The following LIM2 variants were observed in gnomAD, a reference collection of about 807,000 sequenced individuals.
LIM2 encodes the protein lens intrinsic membrane protein 2.
LIM2 carries 14 observed loss-of-function variants against 19.0 expected under a neutral mutation model. The observed-to-expected ratio is 0.74, with a 90% CI of 0.49 to 1.15. The LOEUF is 1.15. Ranked by LOEUF, LIM2 falls within the 50% of genes most tolerant of loss-of-function variation. The pLI, the probability that LIM2 is intolerant of heterozygous loss-of-function variation, is 0.00. For missense variants in LIM2, 230 were observed against 243.5 expected, an observed-to-expected ratio of 0.94 and a Z score of 0.37; for synonymous variants, 78 against 89.6, an observed-to-expected ratio of 0.87 and a Z score of 0.73.
intron 2 of LIM2, among the ~76,000 whole-genome samples, chr19:51,382,838 C>T: frequency 6.6e-6 from 1 of 151,964 alleles, no homozygotes; most frequent in African/African-American, 2.4e-5. Context: ...TGTCTGTCTC[C>T]CCCTCCAGCC....
chr19:51,386,653 T>G (rs1753644140), intron 2 of LIM2, among the ~76,000 whole-genome samples: 1 of 148,858 alleles, frequency 6.7e-6, no homozygotes, highest in Non-Finnish European at 1.5e-5. Flanking sequence ...CAATATATTA[T>G]GTATTAGTAA....
chr19:51,383,765 A>T lies in LIM2; in HGVS notation c.176-1198T>A, dbSNP rs1026428844. Among the ~76,000 whole-genome samples the T allele has an allele frequency of 2.0e-5, 3 of 152,314 alleles. 1 individual carries two copies. The highest frequency in any genetic ancestry group is 2.0e-4 in the Admixed American group (3 of 15,292). On this transcript the variant is annotated intron_variant, in intron 2 of 4. Transcript: ENST00000596399. ...CAGAGAGGTAAAGTGACTTGCCCGAAGTCTCATAATTAGAAACAGGGCTGG... is the reference window on the plus strand; with the variant it reads ...CAGAGAGGTAAAGTGACTTGCCCGATGTCTCATAATTAGAAACAGGGCTGG...
At chr19:51,387,523 G>T in intron 1 of LIM2, 74 bp from the exon 2 acceptor site, 1 of 1,598,154 alleles carries the variant, frequency 6.3e-7, no homozygotes. Flanking sequence ...GGGGAGAGAG[G>T]GCTCAGGAGT....
At chr19:51,381,873 C>T (rs1986901164) in intron 3 of LIM2, among the ~76,000 whole-genome samples, 1 of 152,100 alleles carries the variant, frequency 6.6e-6, no homozygotes, top group Non-Finnish European at 1.5e-5. Flanking sequence ...CCACAGGCGC[C>T]CGACACCACG....
At position 51,379,979 on chromosome 19, in the gene LIM2, C is replaced by A; in HGVS notation, c.*222G>T. The A allele has an allele frequency of 1.7e-6, 1 of 601,640 alleles. No homozygotes were observed. Among genetic ancestry groups the A allele is most frequent in the Middle Eastern group, 4.0e-4 (1 of 2,518 alleles). The allele number at this position is 601,640 out of a possible 1,614,324, so 37.3% of individuals were successfully genotyped here. ...GATAGTCCATTTTTCTAACAACCTG[C>A]CAGGCAGACGGGGACTTGAGTCTTC... is the stretch of plus-strand genomic sequence containing the variant. On this transcript the variant is annotated 3_prime_UTR_variant, in exon 5 of 5. Coordinates refer to ENST00000596399, the MANE Select transcript of LIM2 (RefSeq NM_001161748.2).
chr19:51,384,396 C>A (rs553315750), intron 2 of LIM2, among the ~76,000 whole-genome samples: 10 of 152,194 alleles, frequency 6.6e-5, no homozygotes, highest in South Asian at 4.1e-4. Flanking sequence ...ATTCCACTGC[C>A]CTCCAGCCTG....
intron 2 of LIM2, among the ~76,000 whole-genome samples, chr19:51,383,027 C>CTT (rs1163859181): frequency 0.01 from 899 of 88,268 alleles, 1 homozygote; most frequent in Middle Eastern, 0.024. Flanking sequence ...TTTTTCTTTT[C>CTT]TTTTTTTTTT....
chr19:51,386,406 G>A (rs1368946169), intron 2 of LIM2, among the ~76,000 whole-genome samples: 4 of 149,958 alleles, frequency 2.7e-5, no homozygotes, highest in Admixed American at 2.0e-4. Context: ...TTACAGACGT[G>A]AGCCACCACG....
At chr19:51,387,528 A>C in intron 1 of LIM2, 79 bp from the exon 2 acceptor site, 1 of 1,591,478 alleles carries the variant, frequency 6.3e-7, no homozygotes, top group Non-Finnish European at 8.5e-7. Flanking sequence ...GAGAGGGCTC[A>C]GGAGTGGGAT....
intron 2 of LIM2, among the ~76,000 whole-genome samples, chr19:51,385,790 C>T (rs2123672847): frequency 6.6e-6 from 1 of 152,336 alleles, no homozygotes; most frequent in African/African-American, 2.4e-5. Context: ...CTCAGTCTAC[C>T]TCTCCAGCAA....
intron 2 of LIM2, 21 bp downstream of exon 2, chr19:51,387,248 G>A (rs1987088824): frequency 6.2e-7 from 1 of 1,614,202 alleles, no homozygotes; most frequent in Non-Finnish European, 8.5e-7. Context: ...GCGCGGCCTG[G>A]ACCCTGGCCG....
chr19:51,381,701 T>C (rs1400080414), intron 3 of LIM2, among the ~76,000 whole-genome samples: 3 of 152,164 alleles, frequency 2.0e-5, no homozygotes, highest in Non-Finnish European at 4.4e-5. Flanking sequence ...TATGAGTTAT[T>C]CCAGCAATTT....
chr19:51,382,448 A>G lies in LIM2; in HGVS notation c.295T>C (p.Phe99Leu), dbSNP rs1986919293. ...QPTFSRISRP[F>L]SAGIMFFSST... ...GAAAAAAACATGATGCCAGCAGAGA[A>G]GGGCCGGGAGATGCGGGAGAAGGTA... Residue 99 changes from phenylalanine (F) to leucine (L), a missense_variant, in exon 3 of 5, where the codon TTC becomes CTC. Coordinates refer to ENST00000596399, the MANE Select transcript of LIM2 (RefSeq NM_001161748.2). The G allele has an allele frequency of 6.2e-7, 1 of 1,613,870 alleles. No homozygotes were observed. The highest frequency in any genetic ancestry group is 1.3e-5 in the African/African-American group (1 of 74,850).
rs890284717 is a variant in LIM2, at chr19:51,387,447, G to C, written c.-4C>G. ...CACCACCCATGAAGCTGTACATGGT[G>C]ATCTGTGGGGAAGGGGAGAGATGGG... is the stretch of plus-strand genomic sequence containing the variant. On this transcript the variant is annotated splice_region_variant and 5_prime_UTR_variant, in exon 2 of 5. It adds an upstream start codon to the 5' untranslated region. Transcript: ENST00000596399. The C allele has an allele frequency of 1.2e-6, 2 of 1,613,580 alleles. No homozygotes were observed. The highest frequency in any genetic ancestry group is 1.7e-6 in the Non-Finnish European group (2 of 1,179,982).
chr19:51,386,915 A>G (rs1291388311), intron 2 of LIM2, among the ~76,000 whole-genome samples: 1 of 152,162 alleles, frequency 6.6e-6, no homozygotes, highest in Non-Finnish European at 1.5e-5. Flanking sequence ...TACTTTATGC[A>G]GTATTTAGCA....
chr19:51,387,237 G>T, intron 2 of LIM2, 32 bp downstream of exon 2: 1 of 1,614,206 alleles, frequency 6.2e-7, no homozygotes. Flanking sequence ...TCTTTCCCCA[G>T]GCGCGGCCTG....
chr19:51,384,488 A>T (rs1055767563), intron 2 of LIM2, among the ~76,000 whole-genome samples: 4 of 152,212 alleles, frequency 2.6e-5, no homozygotes, highest in African/African-American at 9.6e-5. Flanking sequence ...AGGAATCTGG[A>T]CACAGACATG....
At chr19:51,384,430 C>CA (rs1480369938) in intron 2 of LIM2, among the ~76,000 whole-genome samples, 2 of 152,008 alleles carry the variant, frequency 1.3e-5, no homozygotes, top group Admixed American at 1.3e-4. Context: ...GACTCCAACT[C>CA]AAAAACAAAA....
intron 2 of LIM2, chr19:51,387,024 C>G (rs572205487): frequency 2.7e-5 from 20 of 738,284 alleles, no homozygotes; most frequent in Non-Finnish European, 4.6e-5. Context: ...GTGCATGACA[C>G]CTCTGAAGCG....
Sources: allele counts gnomAD v4.1 joint callset (sites outside exome capture counted in the v4.1 genomes callset), GRCh38; gene constraint gnomAD v4.1.1; transcripts MANE v1.5; gene names NCBI Gene and HGNC (gene_info 2026-07-23, HGNC 2026-07-21).